Variants in CDK12 observed in about 807,000 individuals in gnomAD.
The protein encoded by CDK12 is cyclin-dependent kinase 12.
CDK12 carries 17 observed loss-of-function variants against 133.8 expected under a neutral mutation model. The observed-to-expected ratio is 0.13, with a 90% CI of 0.09 to 0.19. The LOEUF (loss-of-function observed/expected upper bound fraction) is 0.19, where lower values mean the gene tolerates loss of function less well. Among genes scored for constraint, CDK12 ranks in the 10% least tolerant of loss-of-function variants. CDK12 has a pLI of 1.00. For synonymous variants in CDK12, 694 were observed against 683.6 expected, an observed-to-expected ratio of 1.02 and a Z score of -0.24; for missense variants, 1,508 against 1,818.7, an observed-to-expected ratio of 0.83 and a Z score of 3.11.
intron 2 of CDK12, among the ~76,000 whole-genome samples, chr17:39,487,813 C>T (rs536484493): frequency 1.3e-5 from 2 of 151,872 alleles, no homozygotes; most frequent in Non-Finnish European, 2.9e-5. Flanking sequence ...TGAGGTTTCA[C>T]CATGTTGGCC....
chr17:39,529,983 C>A (rs1206892923), intron 13 of CDK12: 1 of 152,130 alleles, frequency 6.6e-6, no homozygotes, highest in East Asian at 1.9e-4. Context: ...ATGGTAGTTA[C>A]AATCCTTTCA....
intron 2 of CDK12, among the ~76,000 whole-genome samples, chr17:39,475,548 T>A (rs952432597): frequency 1.9e-3 from 259 of 138,362 alleles, no homozygotes; most frequent in African/African-American, 6.5e-3. Flanking sequence ...GAACCTGAAA[T>A]TTTTTTTTTT....
intron 1 of CDK12, among the ~76,000 whole-genome samples, chr17:39,542,767 C>T (rs1445300695): frequency 6.6e-6 from 1 of 152,196 alleles, no homozygotes; most frequent in Non-Finnish European, 1.5e-5. Flanking sequence ...ACCTGAGCCT[C>T]CCAAAGTGCT....
intron 2 of CDK12, among the ~76,000 whole-genome samples, chr17:39,481,650 CTCTCTCT>C (rs2050685545): frequency 3.2e-4 from 5 of 15,770 alleles, no homozygotes; most frequent in Non-Finnish European, 8.1e-4. Flanking sequence ...CTCTCTCTCT[CTCTCTCT>C]CTCTCTCTCT....
At chr17:39,480,014 C>T (rs980151449) in intron 2 of CDK12, among the ~76,000 whole-genome samples, 3 of 151,344 alleles carry the variant, frequency 2.0e-5, no homozygotes, top group African/African-American at 7.3e-5. Flanking sequence ...ACCTCCACTT[C>T]CTGGGTTCAA....
At position 39,533,208 on chromosome 17, in the gene CDK12, T is replaced by C. The variant is rs2054968525; in HGVS notation, c.*1892T>C. The stretch of plus-strand genomic sequence containing the variant: ...CTTTATTATTCTCTGGTTTTTGATC[T>C]GGCCTTGCCTCCAGGGCCAAACACT... On this transcript the variant is annotated 3_prime_UTR_variant, in exon 14 of 14. Coordinates refer to ENST00000447079, the MANE Select transcript of CDK12 (RefSeq NM_016507.4). The C allele has an allele frequency of 4.3e-6, 1 of 233,158 alleles. No homozygotes were observed. 14.4% of individuals were successfully genotyped at this position (233,158 alleles called of 1,614,324 possible). A position where few individuals can be genotyped will look rare whatever the true frequency, so the allele number is the denominator to read the frequency against.
At chr17:39,547,666 C>T (rs963704922), upstream of CDK12, 1 of 152,234 alleles carries the variant, frequency 6.6e-6, no homozygotes, top group East Asian at 1.9e-4. Context: ...GGTGTCAGCT[C>T]TCCTCTGGGG....
In CDK12 at chr17:39,504,899, A is replaced by AAAAC. The variant is rs58347602; in HGVS notation, c.2609+3460_2609+3461insAAAC. 3.4e-5 allele frequency among the ~76,000 whole-genome samples: 5 copies of AAAAC among 147,928 alleles called. No individual in the cohort carries two copies. The South Asian group carries it at 8.6e-4, about 26-fold the overall frequency. ...TGTCTCAAAAAAAAAAAAAAAAAAA[A>AAAAC]CGCTAAGGAGAAAGAAAATCTATAA... is the stretch of plus-strand genomic sequence containing the variant. On this transcript the variant is annotated intron_variant, in intron 6 of 13. Coordinates refer to ENST00000447079, the MANE Select transcript of CDK12 (RefSeq NM_016507.4).
intron 7 of CDK12, among the ~76,000 whole-genome samples, chr17:39,510,948 G>T (rs2053466058): frequency 7.8e-6 from 1 of 128,884 alleles, no homozygotes; most frequent in Admixed American, 7.6e-5. Context: ...AGGCGTGGTG[G>T]CTCACGCCCG....
intron 2 of CDK12, 99 bp downstream of exon 2, chr17:39,471,862 A>G: frequency 9.7e-7 from 1 of 1,035,878 alleles, no homozygotes; most frequent in Non-Finnish European, 1.4e-6. Flanking sequence ...TTTTATGAAC[A>G]GGAAATGTCT....
At chr17:39,472,267 A>G (rs1379422242) in intron 2 of CDK12, among the ~76,000 whole-genome samples, 2 of 151,990 alleles carry the variant, frequency 1.3e-5, no homozygotes, top group African/African-American at 4.8e-5. Context: ...TACAGGCATG[A>G]GCCACCATCC....
chr17:39,493,568 ACCCACCTCAGCCT>A (rs2051820169), intron 4 of CDK12, among the ~76,000 whole-genome samples: 1 of 149,094 alleles, frequency 6.7e-6, no homozygotes, highest in South Asian at 2.1e-4. Flanking sequence ...TGAAATAGCC[ACCCACCTCAGCCT>A]CCCAAAGTGC....
chr17:39,521,943 C>T (rs1225949134), intron 11 of CDK12, among the ~76,000 whole-genome samples: 1 of 151,338 alleles, frequency 6.6e-6, no homozygotes, highest in Non-Finnish European at 1.5e-5. Context: ...TCAAGTGATT[C>T]TCCCGCCTCA....
chr17:39,470,176 G>C (rs1459639367), intron 1 of CDK12, among the ~76,000 whole-genome samples: 3 of 150,478 alleles, frequency 2.0e-5, no homozygotes, highest in African/African-American at 7.3e-5. Context: ...CTGTCGCCCA[G>C]GCTGGAGTGC....
chr17:39,532,098 CTCTT>C lies in CDK12; in HGVS notation c.*786_*789del, dbSNP rs766039362. ...TTTTGCTGATGTGTGCTCTCTCTCT[CTCTT>C]TCTCTCTCTCTCTCTCTCTCTCTCT... is the stretch of plus-strand genomic sequence containing the variant. On this transcript the variant is annotated 3_prime_UTR_variant, in exon 14 of 14. Transcript: ENST00000447079. The C allele has an allele frequency of 3.2e-4, 58 of 181,404 alleles. No individual in the cohort carries two copies. The highest frequency in any genetic ancestry group is 4.0e-4 in the Non-Finnish European group (39 of 97,128). 11.2% of individuals were successfully genotyped at this position (181,404 alleles called of 1,614,324 possible). A position where few individuals can be genotyped will look rare whatever the true frequency, so the allele number is the denominator to read the frequency against.
upstream of CDK12, among the ~76,000 whole-genome samples, chr17:39,543,518 A>T (rs1245392918): frequency 6.6e-6 from 1 of 152,190 alleles, no homozygotes; most frequent in Non-Finnish European, 1.5e-5. Flanking sequence ...TGAAGGGAGG[A>T]GGGCATCATT....
In CDK12 at chr17:39,471,647, A is replaced by G. The variant is rs749425751; in HGVS notation, c.1815A>G (p.Val605=). 1.1e-5 allele frequency: 17 copies of G among 1,614,034 alleles called. No homozygotes were observed. The South Asian group carries it at 1.6e-4, about 16-fold the overall frequency. ...CTCAGGCAAATTCTCAGCCCCCTGT[A>G]CAGGTTTCTGTGAAGACTCAAGTAT... is the stretch of plus-strand genomic sequence containing the variant. ...VSSQANSQPP[V]QVSVKTQVSV... is the part of the protein sequence containing the mutation. Residue 605 remains valine (V), a synonymous_variant, in exon 2 of 14, where the codon GTA becomes GTG. Transcript: ENST00000447079.
At chr17:39,497,983 CTT>C (rs1485291991) in intron 5 of CDK12, among the ~76,000 whole-genome samples, 6 of 149,158 alleles carry the variant, frequency 4.0e-5, no homozygotes, top group African/African-American at 1.5e-4. Context: ...CTCCCTCTCT[CTT>C]TCTCTCTCTC....
intron 3 of CDK12, among the ~76,000 whole-genome samples, chr17:39,559,000 A>G (rs914937515): frequency 3.3e-5 from 5 of 152,204 alleles, no homozygotes; most frequent in Admixed American, 6.5e-5. Context: ...AATGGATACA[A>G]ATACCCACCT....
Sources: allele counts gnomAD v4.1 joint callset (sites outside exome capture counted in the v4.1 genomes callset), GRCh38; gene constraint gnomAD v4.1.1; transcripts MANE v1.5; gene names NCBI Gene and HGNC (gene_info 2026-07-23, HGNC 2026-07-21).